Variants in OGFOD1 observed in about 807,000 individuals in gnomAD.
OGFOD1 encodes the protein 2-oxoglutarate and iron dependent oxygenase domain containing 1, also known as prolyl 3-hydroxylase OGFOD1.
In OGFOD1, 54 loss-of-function variants were observed where a neutral mutation model predicts 67.7. The observed-to-expected ratio is 0.80, with a 90% CI of 0.64 to 1.00. OGFOD1 has a LOEUF of 1.00. Among genes scored for constraint, OGFOD1 ranks in the 50% least tolerant of loss-of-function variants. OGFOD1 has a pLI of 0.00. For missense variants in OGFOD1, 606 were observed against 646.7 expected, an observed-to-expected ratio of 0.94 and a Z score of 0.68; for synonymous variants, 221 against 227.0, an observed-to-expected ratio of 0.97 and a Z score of 0.24.
chr16:56,458,500 C>G (rs1344770501), intron 2 of OGFOD1, 48 bp from the exon 3 acceptor site: 1 of 1,540,288 alleles, frequency 6.5e-7, no homozygotes, highest in Non-Finnish European at 9.0e-7. Flanking sequence ...CTTTGTGTGT[C>G]TCTTATGTGA....
intron 7 of OGFOD1, 54 bp from the exon 8 acceptor site, chr16:56,467,851 C>A: frequency 2.3e-6 from 2 of 858,370 alleles, no homozygotes; most frequent in Non-Finnish European, 4.1e-6. Context: ...GATGTAAGAG[C>A]AAAAGCAATA....
chr16:56,475,007 T>TGAGGGAA (rs1256198653), intron 11 of OGFOD1, 57 bp downstream of exon 11: 31 of 1,575,948 alleles, frequency 2.0e-5, no homozygotes, highest in Non-Finnish European at 2.7e-5. Context: ...CAGTCTCTTC[T>TGAGGGAA]GAGGGACCCT....
intron 2 of OGFOD1, 198 bp downstream of exon 2, chr16:56,453,606 G>T (rs932618286): frequency 4.1e-6 from 2 of 484,428 alleles, no homozygotes; most frequent in South Asian, 3.3e-5. Flanking sequence ...TTATATGGAA[G>T]CCTTAGACAG....
At position 56,463,384 on chromosome 16, in the gene OGFOD1, G is replaced by GTTTTTTTTTTT. The variant is rs56388148; in HGVS notation, c.448+770_448+780dup. ...TACTGCCATGTCATTTCTTTTTTGGGTTTTTTTTTTTTTTTTTTTTTTTTT... is the reference window on the plus strand; with the variant it reads ...TACTGCCATGTCATTTCTTTTTTGGGTTTTTTTTTTTTTTTTTTTTTTTTTTTTTTTTTTTT... On this transcript the variant is annotated intron_variant, in intron 4 of 12. Transcript: ENST00000566157. Among the ~76,000 whole-genome samples, 68 of 43,812 alleles carry GTTTTTTTTTTT rather than the reference G, an allele frequency of 1.6e-3. 6 individuals carry two copies. The highest frequency in any genetic ancestry group is 2.0e-3 in the Non-Finnish European group (52 of 25,496). The allele number at this position is 43,812 out of a possible 152,430, so 28.7% of individuals were successfully genotyped here. A position where few individuals can be genotyped will look rare whatever the true frequency, so the allele number is the denominator to read the frequency against.
At chr16:56,474,992 AGGG>A in intron 11 of OGFOD1, 42 bp downstream of exon 11, 1 of 1,606,342 alleles carries the variant, frequency 6.2e-7, no homozygotes. Context: ...TCCCCGTAGG[AGGG>A]GCAGTCTCTT....
Position 56,451,576 on chromosome 16 carries a change from T to G in OGFOD1, c.-37T>G, listed in dbSNP as rs960598184. ...GCAGTACCCTCAGGAAGGTAGCGTC[T>G]TGATCTGCGTGGCGTGGTTCTGTGC... is the stretch of plus-strand genomic sequence containing the variant. On this transcript the variant is annotated 5_prime_UTR_variant, in exon 1 of 13. Coordinates refer to ENST00000566157, the MANE Select transcript of OGFOD1 (RefSeq NM_018233.4). 3 of 1,610,602 alleles carry G rather than the reference T, an allele frequency of 1.9e-6. No homozygotes were observed. Among genetic ancestry groups the G allele is most frequent in the Non-Finnish European group, 2.5e-6 (3 of 1,179,072 alleles).
At chr16:56,461,668 C>T (rs1962714431) in intron 3 of OGFOD1, among the ~76,000 whole-genome samples, 1 of 152,130 alleles carries the variant, frequency 6.6e-6, no homozygotes, top group African/African-American at 2.4e-5. Flanking sequence ...AAGCCCTTAA[C>T]CTTTATTAAT....
chr16:56,458,500 C>A, intron 2 of OGFOD1, 48 bp from the exon 3 acceptor site: 1 of 1,540,288 alleles, frequency 6.5e-7, no homozygotes, highest in South Asian at 1.1e-5. Flanking sequence ...CTTTGTGTGT[C>A]TCTTATGTGA....
intron 10 of OGFOD1, among the ~76,000 whole-genome samples, chr16:56,471,949 A>C (rs185935225): frequency 1.4e-5 from 2 of 144,900 alleles, no homozygotes; most frequent in African/African-American, 2.7e-5. Flanking sequence ...AAACTTATCC[A>C]CTTCTGTTTG....
intron 10 of OGFOD1, 132 bp downstream of exon 10, chr16:56,470,923 G>A: frequency 1.2e-6 from 1 of 861,948 alleles, no homozygotes; most frequent in Non-Finnish European, 1.8e-6. Context: ...GGACAAAACA[G>A]ACAAGGTCTC....
chr16:56,466,839 T>G (rs751168808), intron 5 of OGFOD1, 37 bp from the exon 6 acceptor site: 1 of 1,471,680 alleles, frequency 6.8e-7, no homozygotes, highest in East Asian at 2.3e-5. Context: ...TGGAAGTGGT[T>G]AATGATAATT....
intron 8 of OGFOD1, 51 bp from the exon 9 acceptor site, chr16:56,469,952 C>T (rs577746339): frequency 1.7e-5 from 25 of 1,506,324 alleles, no homozygotes; most frequent in East Asian, 4.6e-5. Flanking sequence ...CAAACCAGTG[C>T]GGGGTAATAG....
intron 10 of OGFOD1, among the ~76,000 whole-genome samples, chr16:56,471,446 T>C (rs904469114): frequency 6.6e-6 from 1 of 152,150 alleles, no homozygotes; most frequent in Non-Finnish European, 1.5e-5. Context: ...GAGCGCCATT[T>C]AAGCTCAGAT....
At position 56,478,079 on chromosome 16, in the gene OGFOD1, A is replaced by G. The variant is rs1243834904; in HGVS notation, c.*1874A>G. On this transcript the variant is annotated 3_prime_UTR_variant, in exon 13 of 13. Coordinates refer to ENST00000566157, the MANE Select transcript of OGFOD1 (RefSeq NM_018233.4). ...TTTTTAAATGATGAGATAAAAAGAA[A>G]TATCTAGAACTAGTTCTAACATTGT... 4.6e-5 allele frequency: 7 copies of G among 152,200 alleles called. No individual in the cohort carries two copies. The highest frequency in any genetic ancestry group is 1.7e-4 in the African/African-American group (7 of 41,440). The allele number at this position is 152,200 out of a possible 1,614,324, so 9.4% of individuals were successfully genotyped here.
Position 56,479,063 on chromosome 16 carries a change from T to C in OGFOD1, c.*2858T>C, listed in dbSNP as rs1346695092. 1.3e-5 allele frequency: 2 copies of C among 151,980 alleles called. No individual in the cohort carries two copies. The highest frequency in any genetic ancestry group is 4.8e-5 in the African/African-American group (2 of 41,402). 9.4% of individuals were successfully genotyped at this position (151,980 alleles called of 1,614,324 possible). On this transcript the variant is annotated 3_prime_UTR_variant, in exon 13 of 13. Transcript: ENST00000566157. ...AGAATTAGAACATGGGCATCTTTTTTATACCTCTTTCAGATAAAAGCTATG... is the reference window on the plus strand; with the variant it reads ...AGAATTAGAACATGGGCATCTTTTTCATACCTCTTTCAGATAAAAGCTATG...
At chr16:56,470,858 C>A in intron 10 of OGFOD1, 67 bp downstream of exon 10, 1 of 1,416,854 alleles carries the variant, frequency 7.1e-7, no homozygotes, top group South Asian at 1.5e-5. Flanking sequence ...TGTATTCATT[C>A]AACAAACATT....
At chr16:56,462,729 A>T (rs1962754400) in intron 4 of OGFOD1, 95 bp downstream of exon 4, 1 of 740,156 alleles carries the variant, frequency 1.4e-6, no homozygotes, top group Admixed American at 2.4e-5. Flanking sequence ...CACTCAACTG[A>T]ATGTCCCTGC....
chr16:56,453,160 C>T (rs913592370), intron 1 of OGFOD1, 103 bp from the exon 2 acceptor site: 42 of 1,236,680 alleles, frequency 3.4e-5, no homozygotes, highest in African/African-American at 6.1e-5. Flanking sequence ...ATTAGGTTCC[C>T]CAAAATTCAT....
chr16:56,472,414 G>T (rs769588134), intron 10 of OGFOD1, among the ~76,000 whole-genome samples: 1 of 152,202 alleles, frequency 6.6e-6, no homozygotes, highest in Non-Finnish European at 1.5e-5. Flanking sequence ...TGAAAGCAGA[G>T]TAGGGAATAC....
Sources: allele counts gnomAD v4.1 joint callset (sites outside exome capture counted in the v4.1 genomes callset), GRCh38; gene constraint gnomAD v4.1.1; transcripts MANE v1.5; gene names NCBI Gene and HGNC (gene_info 2026-07-23, HGNC 2026-07-21).